Variants in CYREN observed in about 807,000 individuals in gnomAD.
CYREN encodes cell cycle regulator of NHEJ, also known as cell cycle regulator of non-homologous end joining.
Under a neutral mutation model 9.7 loss-of-function variants are expected in CYREN, and 7 were observed. That is an observed-to-expected ratio of 0.72 (90% CI 0.41 to 1.36). CYREN has a LOEUF of 1.36. Among genes scored for constraint, CYREN ranks in the 40% most tolerant of loss-of-function variants. The pLI, the probability that CYREN is intolerant of heterozygous loss-of-function variation, is 0.01. For missense variants in CYREN, 215 were observed against 198.1 expected (o/e 1.09, Z -0.51); for synonymous variants, 76 against 77.9 (o/e 0.98, Z 0.13).
chr7:135,167,156 G>T, intron 3 of CYREN: 1 of 985,414 alleles, frequency 1.0e-6, no homozygotes, highest in Non-Finnish European at 1.2e-6. Context: ...AACATGTCTA[G>T]AAAGGCCGGT....
downstream of CYREN, among the ~76,000 whole-genome samples, chr7:135,163,669 G>C (rs139863713): frequency 1.3e-5 from 2 of 152,210 alleles, no homozygotes; most frequent in South Asian, 4.1e-4. Flanking sequence ...AAACAAAAAC[G>C]TCTAAGTTTT....
At chr7:135,144,606 A>G (rs1281606922) in intron 2 of CYREN, among the ~76,000 whole-genome samples, 1 of 152,018 alleles carries the variant, frequency 6.6e-6, no homozygotes, top group African/African-American at 2.4e-5. Flanking sequence ...CAAAAAAAAG[A>G]AAAAGGGAAG....
chr7:135,148,213 C>A (rs1375540321), intron 2 of CYREN: 1 of 419,756 alleles, frequency 2.4e-6, no homozygotes, highest in Non-Finnish European at 4.7e-6. Flanking sequence ...AACAACCAAC[C>A]CTGATTTCCT....
chr7:135,142,794 C>T (rs1350969566), intron 2 of CYREN, among the ~76,000 whole-genome samples: 1 of 151,046 alleles, frequency 6.6e-6, no homozygotes, highest in African/African-American at 2.5e-5. Flanking sequence ...AACTATAAAA[C>T]TCTGATGAAA....
At chr7:135,116,751 G>C (rs1186827145) in intron 2 of CYREN, among the ~76,000 whole-genome samples, 2 of 152,166 alleles carry the variant, frequency 1.3e-5, no homozygotes, top group Non-Finnish European at 2.9e-5. Flanking sequence ...TGCTTACATG[G>C]GTGGGAGTGA....
intron 2 of CYREN, among the ~76,000 whole-genome samples, chr7:135,153,853 G>A (rs139041813): frequency 9.9e-4 from 150 of 152,274 alleles, no homozygotes; most frequent in African/African-American, 3.3e-3. Flanking sequence ...CCCTGGCCTC[G>A]GAGAATCAGT....
rs546553129 is a variant in CYREN at position 135,151,553 on chromosome 7, C to A, written n.356+17196G>T. 1.1e-3 allele frequency among the ~76,000 whole-genome samples: 163 copies of A among 152,318 alleles called. No homozygotes were observed. Among genetic ancestry groups the A allele is most frequent in the African/African-American group, 3.9e-3 (161 of 41,568 alleles). On this transcript the variant is annotated intron_variant and non_coding_transcript_variant, in intron 2 of 2. Coordinates refer to the CYREN transcript ENST00000459937. This position sits in a 1 kb window ranked among gnomAD's most constrained non-coding sequence, Gnocchi z 4.3. Reference sequence around the variant, plus strand: ...CTCCTCTCTCCATTCAGGCGACACACCCAACCATGTCTACCTGACTCTCCG... The same window carrying A: ...CTCCTCTCTCCATTCAGGCGACACAACCAACCATGTCTACCTGACTCTCCG...
chr7:135,166,582 G>A lies in CYREN; in HGVS notation c.*29C>T, dbSNP rs374968118. On this transcript the variant is annotated 3_prime_UTR_variant, in exon 4 of 4. Transcript: ENST00000393114. ...GCTCAGCTGTCCTCCAGCTGCTCTC[G>A]GCAGACAGTTCAGTGCACAGTTTAT... 65 of 1,541,392 alleles carry A rather than the reference G, an allele frequency of 4.2e-5. 1 individual carries two copies. The highest frequency in any genetic ancestry group is 5.4e-5 in the Admixed American group (3 of 55,616).
Position 135,168,787 on chromosome 7 carries a change from T to G in CYREN, c.136A>C (p.Arg46=), listed in dbSNP as rs1381163177. 1 of 1,613,920 alleles carries G rather than the reference T, an allele frequency of 6.2e-7. No individual in the cohort carries two copies. Among genetic ancestry groups the G allele is most frequent in the African/African-American group, 1.3e-5 (1 of 75,048 alleles). The part of the protein sequence containing the change: ...RMAAVPVAAA[R]LPATRTVYCM... ...GTCTTCTGACCAGAGCTGTCGCACC[T>G]TGCTGCTGCCACTGGCACTGCTGCC... Residue 46 remains arginine (R), a splice_region_variant and synonymous_variant, in exon 2 of 4, where the codon AGA becomes CGA. Coordinates refer to ENST00000393114, the MANE Select transcript of CYREN (RefSeq NM_024033.4).
intron 2 of CYREN, among the ~76,000 whole-genome samples, chr7:135,126,593 C>T (rs1435306090): frequency 6.6e-6 from 1 of 152,192 alleles, no homozygotes; most frequent in Non-Finnish European, 1.5e-5. Flanking sequence ...CAATCCTAAG[C>T]AGAAGGAACA....
chr7:135,113,820 C>G (rs1358834264), intron 2 of CYREN, among the ~76,000 whole-genome samples: 3 of 152,176 alleles, frequency 2.0e-5, no homozygotes, highest in Admixed American at 6.5e-5. Context: ...TCTCCCTCCC[C>G]CCAGCACCTG....
At chr7:135,106,264 G>A (rs531949234) in intron 2 of CYREN, among the ~76,000 whole-genome samples, 1 of 152,256 alleles carries the variant, frequency 6.6e-6, no homozygotes, top group African/African-American at 2.4e-5. Context: ...CCAATATTAT[G>A]TTGAATAGAA....
exon 3 of CYREN, chr7:135,092,637 G>A (rs760873477): frequency 5.3e-5 from 8 of 152,100 alleles, no homozygotes; most frequent in Non-Finnish European, 1.2e-4. Context: ...ATTGTGTTAT[G>A]GGGTTACATC....
intron 2 of CYREN, among the ~76,000 whole-genome samples, chr7:135,096,359 G>GAGAC (rs1056809860): frequency 2.7e-5 from 4 of 150,366 alleles, no homozygotes; most frequent in African/African-American, 9.8e-5. Flanking sequence ...AAGAAAGAGA[G>GAGAC]AGACAGACAG....
intron 2 of CYREN, among the ~76,000 whole-genome samples, chr7:135,144,803 C>T (rs6958920): frequency 0.18 from 27,731 of 150,506 alleles, 2,919 homozygotes; most frequent in Middle Eastern, 0.3. Context: ...CATAGTGGCA[C>T]GCACCTGTAG....
downstream of CYREN, chr7:135,165,010 G>C: frequency 6.4e-7 from 1 of 1,561,902 alleles, no homozygotes; most frequent in Non-Finnish European, 8.7e-7. Flanking sequence ...AGGCTTACGT[G>C]ATTGCAAGGG....
At chr7:135,134,817 T>C in intron 2 of CYREN, 6 of 1,542,034 alleles carry the variant, frequency 3.9e-6, no homozygotes, top group Non-Finnish European at 5.3e-6. Context: ...GGACAAAAAT[T>C]CACGTATTTC....
At chr7:135,171,841 G>A (rs542941740), upstream of CYREN, among the ~76,000 whole-genome samples, 25 of 152,314 alleles carry the variant, frequency 1.6e-4, no homozygotes, top group Admixed American at 5.9e-4. Flanking sequence ...TCCAAAGAGC[G>A]CTCCCGGGTA....
chr7:135,144,887 C>T (rs949586140), intron 2 of CYREN, among the ~76,000 whole-genome samples: 16 of 132,976 alleles, frequency 1.2e-4, no homozygotes, highest in Admixed American at 1.8e-4. Flanking sequence ...AAGCTGTGAT[C>T]GTGCCACTGC....
Sources: gnomAD v4.1 joint callset for allele counts (sites outside exome capture counted in the v4.1 genomes callset) on GRCh38, gnomAD v4.1.1 for gene constraint, Gnocchi (gnomAD v3.1) non-coding constraint, MANE v1.5 for transcripts, NCBI Gene and HGNC (gene_info 2026-07-23, HGNC 2026-07-21) for gene names.